TBC1D5: variants seen among roughly 807,000 people sequenced by gnomAD.
TBC1D5 encodes the protein TBC1 domain family member 5.
In TBC1D5, 75 loss-of-function variants were observed where a neutral mutation model predicts 100.3. The observed-to-expected ratio is 0.75, with a 90% CI of 0.62 to 0.91. TBC1D5 has a LOEUF of 0.91. Ranked by LOEUF, TBC1D5 falls within the 40% of genes least tolerant of loss-of-function variation. The probability of loss-of-function intolerance (pLI) is 0.00; values close to 1 mark genes in which losing one functional copy is unlikely to be tolerated. For missense variants in TBC1D5, 910 were observed against 942.4 expected, an observed-to-expected ratio of 0.97 and a Z score of 0.45; for synonymous variants, 323 against 325.6, an observed-to-expected ratio of 0.99 and a Z score of 0.09.
chr3:17,579,762 G>A (rs369430616), intron 2 of TBC1D5, among the ~76,000 whole-genome samples: 1 of 152,200 alleles, frequency 6.6e-6, no homozygotes, highest in East Asian at 1.9e-4. Context: ...CTGAGTACCT[G>A]CCATAAGTAA....
At chr3:17,506,023 A>T (rs940873071) in intron 3 of TBC1D5, among the ~76,000 whole-genome samples, 1 of 152,222 alleles carries the variant, frequency 6.6e-6, no homozygotes, top group Non-Finnish European at 1.5e-5. Flanking sequence ...ATTACACATA[A>T]CTTCTACACA....
At chr3:17,667,988 C>T (rs2067473413) in intron 1 of TBC1D5, among the ~76,000 whole-genome samples, 2 of 151,396 alleles carry the variant, frequency 1.3e-5, no homozygotes, top group Non-Finnish European at 2.9e-5. Flanking sequence ...TCAAACAGGT[C>T]CCCATTTACT....
intron 1 of TBC1D5, among the ~76,000 whole-genome samples, chr3:17,703,698 C>A (rs2073529970): frequency 1.3e-5 from 2 of 151,996 alleles, no homozygotes; most frequent in African/African-American, 4.8e-5. Context: ...CAAGCTTTCC[C>A]ACCTAAACAT....
chr3:17,604,072 T>C (rs2061179489), intron 2 of TBC1D5, among the ~76,000 whole-genome samples: 1 of 152,190 alleles, frequency 6.6e-6, no homozygotes, highest in Non-Finnish European at 1.5e-5. Context: ...GGGTTCAACC[T>C]GTGAAAACCT....
At position 17,508,466 on chromosome 3, in the gene TBC1D5, A is replaced by G. The variant is rs763783834; in HGVS notation, c.97+8T>C. 1 of 1,610,136 alleles carries G rather than the reference A, an allele frequency of 6.2e-7. No individual in the cohort carries two copies. Among genetic ancestry groups the G allele is most frequent in the East Asian group, 2.2e-5 (1 of 44,846 alleles). ...TACCTACAAATAGTATTGGCATACA[A>G]AACTCACCTCCAGACTTGTTAGAGT... On this transcript the variant is annotated splice_region_variant and intron_variant, in intron 3 of 21. Transcript: ENST00000253692.
chr3:17,180,421 T>C (rs1017634932), intron 19 of TBC1D5, among the ~76,000 whole-genome samples: 11 of 152,224 alleles, frequency 7.2e-5, no homozygotes, highest in South Asian at 6.2e-4. Flanking sequence ...CTATCAGTTA[T>C]AAAAACAGCC....
chr3:17,406,366 A>C, intron 5 of TBC1D5, 52 bp downstream of exon 5: 1 of 1,490,624 alleles, frequency 6.7e-7, no homozygotes, highest in Non-Finnish European at 9.2e-7. Flanking sequence ...GGCATCAGGT[A>C]ATGTGTTGAT....
At chr3:17,633,254 T>C (rs915967140) in intron 1 of TBC1D5, among the ~76,000 whole-genome samples, 2 of 152,008 alleles carry the variant, frequency 1.3e-5, no homozygotes, top group African/African-American at 2.4e-5. Context: ...CTGGCCAACA[T>C]GGTGAAGTCT....
At chr3:17,537,668 T>C (rs974879347) in intron 2 of TBC1D5, among the ~76,000 whole-genome samples, 5 of 152,226 alleles carry the variant, frequency 3.3e-5, no homozygotes, top group Non-Finnish European at 5.9e-5. Context: ...AGAATTTGTC[T>C]TTTTGTGACT....
At chr3:17,492,140 T>C (rs1469734532) in intron 3 of TBC1D5, among the ~76,000 whole-genome samples, 1 of 152,224 alleles carries the variant, frequency 6.6e-6, no homozygotes, top group Non-Finnish European at 1.5e-5. Context: ...TCAGTGGTCA[T>C]ATCCCCTTTA....
chr3:17,677,374 T>C (rs2068779775), intron 1 of TBC1D5, among the ~76,000 whole-genome samples: 1 of 152,214 alleles, frequency 6.6e-6, no homozygotes. Context: ...AAGACATTTA[T>C]GCAGCCAAAA....
chr3:17,442,849 TG>T (rs2094696940), intron 3 of TBC1D5, among the ~76,000 whole-genome samples: 1 of 148,028 alleles, frequency 6.8e-6, no homozygotes, highest in African/African-American at 2.5e-5. Flanking sequence ...GAGTTGGTAA[TG>T]GGAAGGAAGG....
chr3:17,703,046 G>C (rs561171478), intron 1 of TBC1D5, among the ~76,000 whole-genome samples: 12 of 152,126 alleles, frequency 7.9e-5, no homozygotes, highest in African/African-American at 2.9e-4. Flanking sequence ...TTGAATTTAA[G>C]CTGGAAATTT....
intron 13 of TBC1D5, chr3:17,337,394 CT>C (rs1322367006): frequency 6.6e-6 from 1 of 152,120 alleles, no homozygotes; most frequent in Non-Finnish European, 1.5e-5. Flanking sequence ...TTACGTTGTA[CT>C]TGGTGAACGG....
chr3:17,258,506 C>T (rs141782946), exon 16 of TBC1D5: 17 of 1,609,136 alleles, frequency 1.1e-5, no homozygotes, highest in African/African-American at 9.4e-5. Context: ...GGGGACTTAC[C>T]GGCTTTTATT....
At chr3:17,415,466 A>T (rs959357733) in intron 4 of TBC1D5, among the ~76,000 whole-genome samples, 3 of 152,096 alleles carry the variant, frequency 2.0e-5, no homozygotes, top group African/African-American at 7.2e-5. Context: ...CAAAACAAAA[A>T]CAAACAAACA....
intron 2 of TBC1D5, among the ~76,000 whole-genome samples, chr3:17,558,172 C>T (rs2096534505): frequency 6.6e-6 from 1 of 152,070 alleles, no homozygotes. Flanking sequence ...AAATTTAATC[C>T]TTAATAAAAT....
intron 3 of TBC1D5, among the ~76,000 whole-genome samples, chr3:17,478,812 G>A (rs2095469238): frequency 1.3e-5 from 2 of 152,134 alleles, no homozygotes; most frequent in South Asian, 4.1e-4. Flanking sequence ...CTACCCTGCT[G>A]GAGGATGAGA....
chr3:17,627,541 C>T (rs1427874393), intron 1 of TBC1D5, among the ~76,000 whole-genome samples: 1 of 151,938 alleles, frequency 6.6e-6, no homozygotes, highest in East Asian at 1.9e-4. Context: ...GAAGGAATAA[C>T]TCAAAAAAGG....
Sources: allele counts gnomAD v4.1 joint callset (sites outside exome capture counted in the v4.1 genomes callset), GRCh38; gene constraint gnomAD v4.1.1; transcripts MANE v1.5; gene names NCBI Gene and HGNC (gene_info 2026-07-23, HGNC 2026-07-21).